The following TMTC2 variants were observed in gnomAD, a reference collection of about 807,000 sequenced individuals.
TMTC2 encodes protein O-mannosyl-transferase TMTC2.
Under a neutral mutation model 82.4 loss-of-function variants are expected in TMTC2, and 43 were observed. The ratio of observed to expected loss-of-function variants is 0.52; its 90% CI spans 0.41 to 0.67. TMTC2 has a LOEUF of 0.67. Among genes scored for constraint, TMTC2 ranks in the 30% least tolerant of loss-of-function variants. The probability of loss-of-function intolerance (pLI) is 0.00; values close to 1 mark genes in which losing one functional copy is unlikely to be tolerated. For missense variants in TMTC2, 919 were observed against 1,012.4 expected, an observed-to-expected ratio of 0.91 and a Z score of 1.25; for synonymous variants, 408 against 381.9, an observed-to-expected ratio of 1.07 and a Z score of -0.80.
rs189666305 is a variant in TMTC2, at chr12:83,000,423, C to T, written c.2070+14377C>T. Reference sequence around the variant, plus strand: ...TGCTGGGATTACAGGCATGAGCCACCGCACCTTGCCAGGGCAGTCAAATCC... The same window carrying T: ...TGCTGGGATTACAGGCATGAGCCACTGCACCTTGCCAGGGCAGTCAAATCC... On this transcript the variant is annotated intron_variant, in intron 8 of 11. Coordinates refer to ENST00000321196, the MANE Select transcript of TMTC2 (RefSeq NM_152588.3). 3.3e-5 allele frequency among the ~76,000 whole-genome samples: 5 copies of T among 152,280 alleles called. No individual in the cohort carries two copies. The East Asian group carries it at 7.7e-4, about 24-fold the overall frequency.
chr12:83,053,301 G>C (rs1460178381), intron 10 of TMTC2, among the ~76,000 whole-genome samples: 1 of 152,240 alleles, frequency 6.6e-6, no homozygotes, highest in East Asian at 1.9e-4. Flanking sequence ...AAAATTGACA[G>C]GGTTTAGTGA....
chr12:82,896,123 C>T lies in TMTC2; in HGVS notation c.960C>T (p.Leu320=). 6.2e-7 allele frequency: 1 copy of T among 1,614,008 alleles called. No homozygotes were observed. The highest frequency in any genetic ancestry group is 8.5e-7 in the Non-Finnish European group (1 of 1,180,022). ...ACACTGTGGCCTTCTATACTGGACT[C>T]CTTCTCCTTGCCTACTATGGTTTGA... ...NLHTVAFYTG[L]LLLAYYGLKS... is the part of the protein sequence containing the mutation. The change falls in exon 3 of 12, where the codon CTC becomes CTT. Residue 320 remains leucine, a synonymous_variant. Transcript: ENST00000321196.
chr12:83,022,155 C>A (rs76536097), intron 8 of TMTC2, among the ~76,000 whole-genome samples: 1 of 151,828 alleles, frequency 6.6e-6, no homozygotes, highest in African/African-American at 2.4e-5. Context: ...CTTACAGAAC[C>A]CACTAGGCCC....
intron 1 of TMTC2, among the ~76,000 whole-genome samples, chr12:82,772,898 G>C (rs935799351): frequency 2.0e-5 from 3 of 152,062 alleles, no homozygotes; most frequent in Non-Finnish European, 4.4e-5. Flanking sequence ...GGGGGAGACA[G>C]CTCTCTTTCC....
chr12:82,904,048 A>T (rs562060006), intron 3 of TMTC2, among the ~76,000 whole-genome samples: 1 of 152,188 alleles, frequency 6.6e-6, no homozygotes, highest in South Asian at 2.1e-4. Flanking sequence ...CAGGTTTCTT[A>T]TATTTTTTTC....
chr12:82,735,046 C>T (rs184763410), intron 1 of TMTC2, among the ~76,000 whole-genome samples: 1 of 152,130 alleles, frequency 6.6e-6, no homozygotes, highest in African/African-American at 2.4e-5. Context: ...ATTCCTTATT[C>T]CACAGATACT....
intron 9 of TMTC2, among the ~76,000 whole-genome samples, chr12:83,042,304 T>C (rs1881925250): frequency 6.6e-6 from 1 of 152,168 alleles, no homozygotes; most frequent in Non-Finnish European, 1.5e-5. Flanking sequence ...TGAGTCCTCT[T>C]GTCTACCTCA....
At chr12:82,835,990 A>G (rs888530433) in intron 1 of TMTC2, among the ~76,000 whole-genome samples, 3 of 152,248 alleles carry the variant, frequency 2.0e-5, no homozygotes, top group African/African-American at 7.2e-5. Context: ...GTATAACATT[A>G]TATGAGTAAA....
At chr12:82,768,608 G>A (rs192696394) in intron 1 of TMTC2, among the ~76,000 whole-genome samples, 31 of 151,834 alleles carry the variant, frequency 2.0e-4, no homozygotes, top group African/African-American at 6.3e-4. Flanking sequence ...TGGTTTTTTC[G>A]ACTCTTCATG....
intron 10 of TMTC2, among the ~76,000 whole-genome samples, chr12:83,059,870 T>C (rs1467904502): frequency 6.6e-6 from 1 of 151,774 alleles, no homozygotes; most frequent in East Asian, 1.9e-4. Flanking sequence ...ATCTATTGGT[T>C]GATCTCACTT....
chr12:83,099,965 G>C (rs1884160858), intron 11 of TMTC2, among the ~76,000 whole-genome samples: 1 of 151,762 alleles, frequency 6.6e-6, no homozygotes, highest in African/African-American at 2.4e-5. Flanking sequence ...ACCCAGGCTG[G>C]ATGTAGTACA....
intron 1 of TMTC2, among the ~76,000 whole-genome samples, chr12:82,750,758 C>A (rs1489668981): frequency 6.6e-6 from 1 of 152,114 alleles, no homozygotes; most frequent in Non-Finnish European, 1.5e-5. Context: ...TCTGAAATAT[C>A]CCACTAGAAT....
At chr12:82,835,372 T>C (rs1869978237) in intron 1 of TMTC2, among the ~76,000 whole-genome samples, 1 of 152,236 alleles carries the variant, frequency 6.6e-6, no homozygotes, top group East Asian at 1.9e-4. Flanking sequence ...GACATCTCAC[T>C]GACTCATTGA....
chr12:83,082,237 C>T (rs1439160407), intron 11 of TMTC2, among the ~76,000 whole-genome samples: 1 of 152,168 alleles, frequency 6.6e-6, no homozygotes, highest in African/African-American at 2.4e-5. Context: ...TGCTTTAATG[C>T]AAATGTGTTA....
At chr12:82,808,453 T>C (rs1235124464) in intron 1 of TMTC2, among the ~76,000 whole-genome samples, 1 of 152,114 alleles carries the variant, frequency 6.6e-6, no homozygotes, top group East Asian at 1.9e-4. Context: ...GTATATCATC[T>C]TATTTAATCT....
chr12:82,758,526 C>T (rs1452600399), intron 1 of TMTC2: 1 of 152,110 alleles, frequency 6.6e-6, no homozygotes, highest in Non-Finnish European at 1.5e-5. Flanking sequence ...GCCATTTCTG[C>T]AGTTCCATTC....
At chr12:82,923,973 A>G (rs1462074203) in intron 3 of TMTC2, among the ~76,000 whole-genome samples, 1 of 152,246 alleles carries the variant, frequency 6.6e-6, no homozygotes, top group Non-Finnish European at 1.5e-5. Context: ...CATAGAATCA[A>G]CTATGAAGAG....
Position 82,840,690 on chromosome 12 carries a change from C to T in TMTC2, c.84-16320C>T, listed in dbSNP as rs145412271. 2.6e-5 allele frequency among the ~76,000 whole-genome samples: 4 copies of T among 152,266 alleles called. No individual in the cohort carries two copies. The East Asian group carries it at 5.8e-4, about 22-fold the overall frequency. ...CATGGAGAGCTAAAAAGGCACTGCG[C>T]GTATACACCTGTTCCAAGTATATGA... On this transcript the variant is annotated intron_variant, in intron 1 of 11. Coordinates refer to ENST00000321196, the MANE Select transcript of TMTC2 (RefSeq NM_152588.3).
intron 1 of TMTC2, among the ~76,000 whole-genome samples, chr12:82,709,015 T>C (rs1873502634): frequency 6.6e-6 from 1 of 152,220 alleles, no homozygotes; most frequent in Admixed American, 6.5e-5. Context: ...TCTTCATGCT[T>C]TTTTGTTCTT....
Sources: gnomAD v4.1 joint callset for allele counts (sites outside exome capture counted in the v4.1 genomes callset) on GRCh38, gnomAD v4.1.1 for gene constraint, MANE v1.5 for transcripts, NCBI Gene and HGNC (gene_info 2026-07-23, HGNC 2026-07-21) for gene names.